The following EOGT variants were observed in gnomAD, a reference collection of about 807,000 sequenced individuals.
EOGT encodes EGF domain specific O-linked N-acetylglucosamine transferase, also known as EGF domain-specific O-linked N-acetylglucosamine transferase.
In EOGT, 55 loss-of-function variants were observed where a neutral mutation model predicts 70.5. The observed-to-expected ratio is 0.78, with a 90% CI of 0.63 to 0.98. The LOEUF (loss-of-function observed/expected upper bound fraction) is 0.98. Among genes scored for constraint, EOGT ranks in the 50% least tolerant of loss-of-function variants. The pLI is 0.00. For missense variants in EOGT, 703 were observed against 641.9 expected (o/e 1.10, Z -1.03); for synonymous variants, 246 against 217.1 (o/e 1.13, Z -1.17).
Position 68,976,761 on chromosome 3 carries a change from A to G in EOGT, c.*857T>C, listed in dbSNP as rs2090482986. On this transcript the variant is annotated 3_prime_UTR_variant, in exon 18 of 18. Coordinates refer to ENST00000383701, the MANE Select transcript of EOGT (RefSeq NM_001278689.2). ...AACAGTTGTAAATTTACCCAAATATATCATAAACAAGTTGGAACACTCTGG... is the reference window on the plus strand; with the variant it reads ...AACAGTTGTAAATTTACCCAAATATGTCATAAACAAGTTGGAACACTCTGG... The G allele has an allele frequency of 6.6e-6, 1 of 152,380 alleles. No individual in the cohort carries two copies. Among genetic ancestry groups the G allele is most frequent in the Non-Finnish European group, 1.5e-5 (1 of 68,050 alleles). The allele number at this position is 152,380 out of a possible 1,614,324, so 9.4% of individuals were successfully genotyped here. A position where few individuals can be genotyped will look rare whatever the true frequency, so the allele number is the denominator to read the frequency against.
At chr3:68,998,376 C>T (rs989829351) in intron 9 of EOGT, among the ~76,000 whole-genome samples, 1 of 152,106 alleles carries the variant, frequency 6.6e-6, no homozygotes, top group Non-Finnish European at 1.5e-5. Context: ...TCCCAAGTAA[C>T]AAGTGATCAT....
Position 68,977,338 on chromosome 3 carries a change from G to C in EOGT, c.*280C>G, listed in dbSNP as rs201956287. 1.2e-5 allele frequency: 3 copies of C among 243,686 alleles called. No homozygotes were observed. The highest frequency in any genetic ancestry group is 1.5e-5 in the Non-Finnish European group (2 of 130,160). 15.1% of individuals were successfully genotyped at this position (243,686 alleles called of 1,614,324 possible). A position where few individuals can be genotyped will look rare whatever the true frequency, so the allele number is the denominator to read the frequency against. On this transcript the variant is annotated 3_prime_UTR_variant, in exon 18 of 18. Transcript: ENST00000383701. ...GACTCTGTCTCCAAAAAAAAAAAAA[G>C]AAAGAAAGAAAGTTAAAGTATACTG...
chr3:68,986,915 T>C (rs2090826515), intron 14 of EOGT, among the ~76,000 whole-genome samples: 1 of 152,214 alleles, frequency 6.6e-6, no homozygotes, highest in South Asian at 2.1e-4. Flanking sequence ...TGAGAGGCTA[T>C]CTTCAGGCCA....
rs376368665 is a variant in EOGT at position 68,993,563 on chromosome 3, G to A, written c.831+4448C>T. 8.5e-5 allele frequency among the ~76,000 whole-genome samples: 13 copies of A among 152,168 alleles called. No homozygotes were observed. In the South Asian group the frequency reaches 1.0e-3, roughly 12 times the overall value. ...GCAAACTTTCCCACATTTTCCTGTC[G>A]TCTTCTGAGCCCTTCAAACTGTTCC... On this transcript the variant is annotated intron_variant, in intron 10 of 17. Transcript: ENST00000383701.
intron 9 of EOGT, among the ~76,000 whole-genome samples, chr3:69,000,435 G>C (rs1012702155): frequency 2.6e-5 from 4 of 151,882 alleles, no homozygotes; most frequent in Admixed American, 2.6e-4. Flanking sequence ...TTTTTAATTT[G>C]CATGTTTTAA....
At chr3:68,983,333 C>T (rs9813487) in intron 14 of EOGT, among the ~76,000 whole-genome samples, 119,761 of 152,214 alleles carry the variant, frequency 0.79, 47,323 homozygotes, top group Admixed American at 0.83. Context: ...ACAACACTAG[C>T]GCTTTGAACC....
rs373970977 is a variant in EOGT at position 68,979,724 on chromosome 3, A to G, written c.1278T>C (p.His426=). The G allele has an allele frequency of 3.1e-6, 5 of 1,613,796 alleles. No homozygotes were observed. The highest frequency in any genetic ancestry group is 4.2e-6 in the Non-Finnish European group (5 of 1,179,736). ...THNTDIFIGM[H]GAGLTHLLFL... ...AAAGTAAATGGGTCAGACCAGCTCC[A>G]TGCATTCCAATAAATATGTCCGTGT... Residue 426 remains histidine, a synonymous_variant, in exon 16 of 18, where the codon CAT becomes CAC. Transcript: ENST00000383701.
At chr3:68,987,757 C>T in intron 13 of EOGT, 1 of 540,712 alleles carries the variant, frequency 1.8e-6, no homozygotes. Flanking sequence ...AATTTTTTGG[C>T]AGGGGTTGTG....
At chr3:68,982,587 T>C (rs899975476) in intron 15 of EOGT, 20 of 390,180 alleles carry the variant, frequency 5.1e-5, no homozygotes, top group Admixed American at 8.9e-5. Flanking sequence ...CATCACTTCT[T>C]TTGAATAAGG....
chr3:69,008,605 C>G, intron 4 of EOGT, 77 bp from the exon 5 acceptor site: 7 of 1,011,482 alleles, frequency 6.9e-6, no homozygotes, highest in South Asian at 6.7e-5. Context: ...ATTAAGAAAA[C>G]AAATCATTAT....
chr3:69,011,654 C>G (rs1351493429), intron 3 of EOGT, among the ~76,000 whole-genome samples: 5 of 151,090 alleles, frequency 3.3e-5, no homozygotes, highest in Non-Finnish European at 7.4e-5. Context: ...TATGTTCCAT[C>G]AAACCTCAAG....
At chr3:68,996,080 AAAG>A (rs1194237850) in intron 10 of EOGT, among the ~76,000 whole-genome samples, 53 of 152,232 alleles carry the variant, frequency 3.5e-4, no homozygotes, top group Non-Finnish European at 3.2e-4. Flanking sequence ...ACTGATACAA[AAAG>A]AAGAAAAGAA....
In EOGT at chr3:69,004,399, C is replaced by A. The variant is rs146762052; in HGVS notation, c.599G>T (p.Arg200Leu). Residue 200 changes from arginine (R) to leucine (L), a missense_variant, in exon 8 of 18, where the codon CGC becomes CTC. By Grantham distance (102) the Arg-to-Leu change is moderately radical (BLOSUM62 -2). Coordinates refer to ENST00000383701, the MANE Select transcript of EOGT (RefSeq NM_001278689.2). Reference sequence around the variant, plus strand: ...TTACCATGACTGCAGAGGGCTTTTGCGCTGACCTTCAGACGTCAATGTACG... The same window carrying A: ...TTACCATGACTGCAGAGGGCTTTTGAGCTGACCTTCAGACGTCAATGTACG... ...DIRTLTSEGQ[R>L]KSPLQSWFAE... 1 of 1,613,630 alleles carries A rather than the reference C, an allele frequency of 6.2e-7. No homozygotes were observed. The highest frequency in any genetic ancestry group is 8.5e-7 in the Non-Finnish European group (1 of 1,179,612).
chr3:68,987,501 G>T lies in EOGT; in HGVS notation c.1096C>A (p.Arg366=). 1 of 1,613,312 alleles carries T rather than the reference G, an allele frequency of 6.2e-7. No homozygotes were observed. The change falls in exon 14 of 18, where the codon CGA becomes AGA. Residue 366 remains arginine (R), a synonymous_variant. Coordinates refer to ENST00000383701, the MANE Select transcript of EOGT (RefSeq NM_001278689.2). The part of the protein sequence containing the change: ...TQEGPKDGKI[R]VTILARSTEY... ...GTGCTCCGTGCAAGAATGGTGACTCGAATTTTTCCATCCTGTAATCAAAAT... is the reference window on the plus strand; with the variant it reads ...GTGCTCCGTGCAAGAATGGTGACTCTAATTTTTCCATCCTGTAATCAAAAT...
At chr3:68,991,597 C>T (rs1402095758) in intron 10 of EOGT, among the ~76,000 whole-genome samples, 3 of 152,164 alleles carry the variant, frequency 2.0e-5, no homozygotes, top group Non-Finnish European at 2.9e-5. Context: ...CTTAAAAAGA[C>T]ATTCCACAGA....
intron 15 of EOGT, among the ~76,000 whole-genome samples, chr3:68,980,200 G>A (rs148559829): frequency 6.6e-6 from 1 of 152,252 alleles, no homozygotes; most frequent in East Asian, 1.9e-4. Context: ...AGAGAAATTG[G>A]CAAGTGTTAA....
chr3:68,985,325 A>G (rs971871924), intron 14 of EOGT, among the ~76,000 whole-genome samples: 2 of 152,200 alleles, frequency 1.3e-5, no homozygotes, highest in South Asian at 2.1e-4. Context: ...TCATTATGCC[A>G]TATGTTCATG....
chr3:68,996,877 T>A (rs1701067571), intron 10 of EOGT, among the ~76,000 whole-genome samples: 1 of 152,220 alleles, frequency 6.6e-6, no homozygotes, highest in Admixed American at 6.5e-5. Context: ...GCCTCTCTCA[T>A]GTACACTACA....
intron 8 of EOGT, among the ~76,000 whole-genome samples, chr3:69,002,430 C>T (rs2091321036): frequency 6.6e-6 from 1 of 152,146 alleles, no homozygotes; most frequent in Non-Finnish European, 1.5e-5. Flanking sequence ...CAATTATGCC[C>T]TGAGCAACTA....
Sources: gnomAD v4.1 joint callset for allele counts (sites outside exome capture counted in the v4.1 genomes callset) on GRCh38, gnomAD v4.1.1 for gene constraint, MANE v1.5 for transcripts, NCBI Gene and HGNC (gene_info 2026-07-23, HGNC 2026-07-21) for gene names.